The following AKAP13 variants were observed in gnomAD, a reference collection of about 807,000 sequenced individuals.
AKAP13 encodes the protein A-kinase anchoring protein 13.
AKAP13 carries 80 observed loss-of-function variants against 264.5 expected under a neutral mutation model. That is an observed-to-expected ratio of 0.30 (90% CI 0.25 to 0.36). AKAP13 has a LOEUF of 0.36. Ranked by LOEUF, AKAP13 falls within the 10% of genes least tolerant of loss-of-function variation. The pLI is 1.00. For missense variants in AKAP13, 3,712 were observed against 3,435.2 expected (o/e 1.08, Z -2.01); for synonymous variants, 1,380 against 1,250.2 (o/e 1.10, Z -2.19).
intron 14 of AKAP13, among the ~76,000 whole-genome samples, chr15:85,672,601 T>G (rs1008161818): frequency 6.6e-6 from 1 of 152,218 alleles, no homozygotes; most frequent in Non-Finnish European, 1.5e-5. Flanking sequence ...TCCTCAGTGA[T>G]TTTTAAAGCC....
chr15:85,516,854 T>A (rs569736399), intron 2 of AKAP13, among the ~76,000 whole-genome samples: 1 of 152,322 alleles, frequency 6.6e-6, no homozygotes, highest in Admixed American at 6.5e-5. Flanking sequence ...CAGGACACCA[T>A]TATGTGGAAT....
intron 5 of AKAP13, among the ~76,000 whole-genome samples, chr15:85,554,921 T>G (rs567660547): frequency 1.3e-5 from 2 of 152,174 alleles, no homozygotes; most frequent in Non-Finnish European, 2.9e-5. Flanking sequence ...AGCACAAAAT[T>G]TAGAGCAAAT....
At chr15:85,506,522 A>G (rs2076227650) in intron 2 of AKAP13, among the ~76,000 whole-genome samples, 1 of 124,518 alleles carries the variant, frequency 8.0e-6, no homozygotes, top group Admixed American at 8.4e-5. Flanking sequence ...ATATATACAT[A>G]TAGGTATAAT....
chr15:85,743,372 T>C, intron 35 of AKAP13, 120 bp from the exon 36 acceptor site: 1 of 1,032,850 alleles, frequency 9.7e-7, no homozygotes, highest in Non-Finnish European at 1.4e-6. Flanking sequence ...TCTGTAGAGT[T>C]CGCAGAGGTG....
chr15:85,432,759 A>G (rs1444824827), intron 1 of AKAP13, among the ~76,000 whole-genome samples: 1 of 152,302 alleles, frequency 6.6e-6, no homozygotes, highest in South Asian at 2.1e-4. Flanking sequence ...ACTTTGAGTC[A>G]TATTACTATA....
intron 1 of AKAP13, among the ~76,000 whole-genome samples, chr15:85,468,290 CAG>C (rs972537139): frequency 6.6e-6 from 1 of 152,146 alleles, no homozygotes; most frequent in Non-Finnish European, 1.5e-5. Flanking sequence ...TTTAGACGGT[CAG>C]AGTCTTAGCC....
intron 8 of AKAP13, among the ~76,000 whole-genome samples, chr15:85,631,350 A>T (rs1423318657): frequency 1.3e-5 from 2 of 152,172 alleles, no homozygotes; most frequent in Non-Finnish European, 2.9e-5. Flanking sequence ...TTAAAATTAC[A>T]TAGTGGTGAT....
chr15:85,655,649 A>G lies in AKAP13; in HGVS notation c.4607A>G (p.Glu1536Gly), dbSNP rs746976845. 6.2e-7 allele frequency: 1 copy of G among 1,614,052 alleles called. No homozygotes were observed. Among genetic ancestry groups the G allele is most frequent in the African/African-American group, 1.3e-5 (1 of 74,916 alleles). Residue 1536 changes from glutamate to glycine, a missense_variant, in exon 11 of 37, where the codon GAG becomes GGG. Transcript: ENST00000394518. ...GCTGACCCAGGCGACGTGGAGGAGG[A>G]GGAGATGGACAGTATCACTGAAGTG... is the stretch of plus-strand genomic sequence containing the variant. ...EPADPGDVEE[E>G]EMDSITEVPA...
At chr15:85,675,955 G>A (rs1242827737) in intron 14 of AKAP13, among the ~76,000 whole-genome samples, 15 of 151,680 alleles carry the variant, frequency 9.9e-5, no homozygotes, top group Non-Finnish European at 2.1e-4. Flanking sequence ...TCCATCGCCC[G>A]GGCTGGAATG....
chr15:85,710,532 G>C, intron 18 of AKAP13, 47 bp from the exon 19 acceptor site: 3 of 1,592,880 alleles, frequency 1.9e-6, no homozygotes, highest in Non-Finnish European at 2.6e-6. Context: ...GCTTCTCAGG[G>C]CTTGTCAGAG....
At chr15:85,649,798 A>G (rs1205750541) in intron 10 of AKAP13, among the ~76,000 whole-genome samples, 1 of 152,170 alleles carries the variant, frequency 6.6e-6, no homozygotes, top group Non-Finnish European at 1.5e-5. Flanking sequence ...AAGAAATCCT[A>G]GGATTCTTTT....
At chr15:85,455,358 G>A (rs1311218812) in intron 1 of AKAP13, among the ~76,000 whole-genome samples, 5 of 152,088 alleles carry the variant, frequency 3.3e-5, no homozygotes, top group Non-Finnish European at 5.9e-5. Flanking sequence ...TTTGTTTACA[G>A]AACCATTATA....
At chr15:85,454,329 G>A (rs565135548) in intron 1 of AKAP13, among the ~76,000 whole-genome samples, 13 of 152,286 alleles carry the variant, frequency 8.5e-5, no homozygotes, top group Admixed American at 7.8e-4. Context: ...GGTTCACAAG[G>A]CGATCTCTTA....
rs554393541 is a variant in AKAP13, at chr15:85,619,841, A to G, written c.4162-19533A>G. The G allele has an allele frequency of 1.2e-5, 16 of 1,348,056 alleles. No homozygotes were observed. In the South Asian group the frequency reaches 2.6e-4, roughly 22 times the overall value. 83.5% of individuals were successfully genotyped at this position (1,348,056 alleles called of 1,614,324 possible). ...ATTTATTGTTTATATTATGAGTTCT[A>G]CATTCATCTTTCCAGCACTCTGAAG... On this transcript the variant is annotated intron_variant, in intron 8 of 36. Transcript: ENST00000394518.
Position 85,469,323 on chromosome 15 carries a change from T to A in AKAP13, c.-11-16387T>A, listed in dbSNP as rs181444971. 2.0e-3 allele frequency among the ~76,000 whole-genome samples: 307 copies of A among 152,168 alleles called. 1 individual carries two copies. The highest frequency in any genetic ancestry group is 3.7e-3 in the Non-Finnish European group (250 of 68,012). ...ATAAGGAACTGCATATAATAGTGCCTTCTAGAATAGATAGACCTGAGGTTA... is the reference window on the plus strand; with the variant it reads ...ATAAGGAACTGCATATAATAGTGCCATCTAGAATAGATAGACCTGAGGTTA... On this transcript the variant is annotated intron_variant, in intron 1 of 36. Coordinates refer to ENST00000394518, the MANE Select transcript of AKAP13 (RefSeq NM_007200.5).
intron 4 of AKAP13, among the ~76,000 whole-genome samples, chr15:85,538,176 T>G (rs563378287): frequency 1.3e-5 from 2 of 152,128 alleles, no homozygotes; most frequent in Non-Finnish European, 2.9e-5. Flanking sequence ...TCCCAGGTAA[T>G]GTAGGGTGGG....
intron 2 of AKAP13, among the ~76,000 whole-genome samples, chr15:85,487,707 A>G (rs1380760941): frequency 6.6e-6 from 1 of 151,702 alleles, no homozygotes; most frequent in African/African-American, 2.4e-5. Context: ...CTAGGACTAC[A>G]GATGTGCGCC....
intron 1 of AKAP13, among the ~76,000 whole-genome samples, chr15:85,471,013 G>A (rs529524560): frequency 3.3e-5 from 5 of 152,002 alleles, no homozygotes; most frequent in African/African-American, 1.2e-4. Flanking sequence ...TACTTTCCAC[G>A]TCCCTTGTGA....
At chr15:85,585,621 A>C (rs2079307767) in intron 7 of AKAP13, 81 bp from the exon 8 acceptor site, 16 of 1,579,968 alleles carry the variant, frequency 1.0e-5, no homozygotes, top group Non-Finnish European at 1.1e-5. Flanking sequence ...AAACACATGA[A>C]ACCTGGAGCA....
Sources: gnomAD v4.1 joint callset for allele counts (sites outside exome capture counted in the v4.1 genomes callset) on GRCh38, gnomAD v4.1.1 for gene constraint, MANE v1.5 for transcripts, NCBI Gene and HGNC (gene_info 2026-07-23, HGNC 2026-07-21) for gene names.